MYBL2: variants seen among roughly 807,000 people sequenced by gnomAD.
MYBL2 encodes the protein myb-related protein B.
A neutral mutation model predicts 79.9 loss-of-function variants in MYBL2; 28 were observed. The observed-to-expected ratio is 0.35, with a 90% confidence interval of 0.26 to 0.48. The LOEUF (loss-of-function observed/expected upper bound fraction) is 0.48. Among genes scored for constraint, MYBL2 ranks in the 20% least tolerant of loss-of-function variants. MYBL2 has a pLI of 0.99. For synonymous variants in MYBL2, 378 were observed against 361.2 expected, an observed-to-expected ratio of 1.05 and a Z score of -0.53; for missense variants, 735 against 893.9, an observed-to-expected ratio of 0.82 and a Z score of 2.27.
intron 5 of MYBL2, among the ~76,000 whole-genome samples, chr20:43,690,697 G>C (rs762456152): frequency 6.6e-6 from 1 of 152,148 alleles, no homozygotes; most frequent in Non-Finnish European, 1.5e-5. Flanking sequence ...CAAGGAAAGA[G>C]TATTCTGCTT....
chr20:43,700,106 C>T, intron 7 of MYBL2, 62 bp downstream of exon 7: 1 of 1,566,144 alleles, frequency 6.4e-7, no homozygotes, highest in Non-Finnish European at 8.7e-7. Flanking sequence ...GTGCTTCTCT[C>T]TCAGGCCCAC....
intron 1 of MYBL2, among the ~76,000 whole-genome samples, chr20:43,670,960 CTTTTTTTTCTTTT>C (rs1215026519): frequency 2.1e-5 from 3 of 144,656 alleles, no homozygotes; most frequent in South Asian, 2.2e-4. Context: ...CCTATGATTT[CTTTTTTTTCTTTT>C]TTTTTTTTTT....
chr20:43,670,256 G>A (rs1404444237), intron 1 of MYBL2, among the ~76,000 whole-genome samples: 1 of 152,162 alleles, frequency 6.6e-6, no homozygotes, highest in Non-Finnish European at 1.5e-5. Flanking sequence ...TTTCTGTCAC[G>A]AGCTGTCTGG....
intron 12 of MYBL2, 130 bp downstream of exon 12, chr20:43,713,236 T>A (rs1987952354): frequency 8.1e-5 from 31 of 383,766 alleles, no homozygotes; most frequent in East Asian, 3.7e-4. Flanking sequence ...GGAGGGTGGG[T>A]CCGGGCACCC....
At chr20:43,704,434 C>T (rs1185704370) in intron 8 of MYBL2, among the ~76,000 whole-genome samples, 1 of 152,162 alleles carries the variant, frequency 6.6e-6, no homozygotes, top group South Asian at 2.1e-4. Context: ...TGTAACATGC[C>T]GCAAGTGAGG....
chr20:43,715,304 T>C, intron 13 of MYBL2, 21 bp downstream of exon 13: 1 of 1,613,760 alleles, frequency 6.2e-7, no homozygotes, highest in Non-Finnish European at 8.5e-7. Flanking sequence ...TGGCCATCTC[T>C]GGGGGTCCTG....
At chr20:43,683,193 T>C (rs1387252763) in intron 4 of MYBL2, among the ~76,000 whole-genome samples, 1 of 152,148 alleles carries the variant, frequency 6.6e-6, no homozygotes, top group Non-Finnish European at 1.5e-5. Flanking sequence ...AAGCAGGTGA[T>C]GCTTGTAGGG....
Position 43,716,237 on chromosome 20 carries a change from G to A in MYBL2, c.*150G>A. 5.0e-6 allele frequency: 6 copies of A among 1,209,880 alleles called. No homozygotes were observed. Among genetic ancestry groups the A allele is most frequent in the African/African-American group, 1.6e-5 (1 of 64,372 alleles). 74.9% of individuals were successfully genotyped at this position (1,209,880 alleles called of 1,614,324 possible). On this transcript the variant is annotated 3_prime_UTR_variant, in exon 14 of 14. Transcript: ENST00000217026. ...CAGACTCTCAGGTGGAGGCAACAGG[G>A]CCATGTGCTGCCCTGTTGCCGAGCC... is the stretch of plus-strand genomic sequence containing the variant.
intron 9 of MYBL2, among the ~76,000 whole-genome samples, chr20:43,707,717 A>G (rs1210563667): frequency 6.6e-6 from 1 of 151,954 alleles, no homozygotes; most frequent in East Asian, 1.9e-4. Context: ...CTCTTTAGTT[A>G]TCCCTCAAAT....
chr20:43,711,633 AGGGGGAATTGGAGCCGTGGCAT>A, intron 11 of MYBL2, 32 bp downstream of exon 11: 1 of 1,567,862 alleles, frequency 6.4e-7, no homozygotes, highest in Non-Finnish European at 8.7e-7. Context: ...GAGCCTGGGC[AGGGGGAATTGGAGCCGTGGCAT>A]GGGGGAGGCG....
intron 1 of MYBL2, 24 bp downstream of exon 1, chr20:43,667,327 G>A (rs1344930244): frequency 1.6e-6 from 2 of 1,228,988 alleles, no homozygotes; most frequent in Non-Finnish European, 2.0e-6. Flanking sequence ...GGAGGGCTTG[G>A]GCCCCTCCCC....
At chr20:43,671,277 T>C (rs62226203) in intron 1 of MYBL2, among the ~76,000 whole-genome samples, 1 of 151,868 alleles carries the variant, frequency 6.6e-6, no homozygotes, top group Non-Finnish European at 1.5e-5. Flanking sequence ...TGCCTCATCC[T>C]CTCGAGTAGC....
At chr20:43,693,323 T>C (rs916253946) in intron 6 of MYBL2, among the ~76,000 whole-genome samples, 6 of 152,152 alleles carry the variant, frequency 3.9e-5, no homozygotes, top group African/African-American at 1.4e-4. Context: ...TGAGCCACCA[T>C]GTCTGGCACT....
chr20:43,681,648 C>T (rs1206965808), intron 2 of MYBL2, 136 bp from the exon 3 acceptor site: 1 of 860,030 alleles, frequency 1.2e-6, no homozygotes, highest in Non-Finnish European at 1.9e-6. Flanking sequence ...GCTGTAGTGC[C>T]TGGCACCTTG....
At chr20:43,691,547 T>TG (rs1171855912) in intron 5 of MYBL2, among the ~76,000 whole-genome samples, 1 of 151,074 alleles carries the variant, frequency 6.6e-6, no homozygotes, top group East Asian at 1.9e-4. Context: ...ATATACATTT[T>TG]TTTTTTTTTT....
intron 2 of MYBL2, among the ~76,000 whole-genome samples, chr20:43,677,307 G>A (rs139513972): frequency 6.9e-4 from 105 of 152,332 alleles, no homozygotes; most frequent in African/African-American, 2.3e-3. Context: ...TAGGATCAGT[G>A]TCTGTTGGTG....
At chr20:43,695,752 A>AG (rs3091953) in intron 6 of MYBL2, among the ~76,000 whole-genome samples, 114,471 of 151,928 alleles carry the variant, frequency 0.75, 44,165 homozygotes, top group Non-Finnish European at 0.83. Context: ...AGCCTGGGGC[A>AG]GGAAGTTCAC....
chr20:43,715,376 C>T lies in MYBL2; in HGVS notation c.1974+93C>T, dbSNP rs570878254. On this transcript the variant is annotated intron_variant, in intron 13 of 13. Transcript: ENST00000217026. ...CCATCCCTGGGGGTCCTGCAGTGCCCGCCTTCTTAGCTCAGGGCCTTTGCA... is the reference window on the plus strand; with the variant it reads ...CCATCCCTGGGGGTCCTGCAGTGCCTGCCTTCTTAGCTCAGGGCCTTTGCA... The T allele has an allele frequency of 3.7e-5, 58 of 1,571,438 alleles. No individual in the cohort carries two copies. In the East Asian group the frequency reaches 9.9e-4, roughly 27 times the overall value.
In MYBL2 at chr20:43,695,550, G is replaced by A. The variant is rs373738666; in HGVS notation, c.663+3231G>A. Among the ~76,000 whole-genome samples the A allele has an allele frequency of 2.0e-4, 31 of 152,254 alleles. 1 individual carries two copies. Among genetic ancestry groups the A allele is most frequent in the East Asian group, 1.2e-3 (6 of 5,184 alleles). ...TCCTAGAGATGGACAAATATATTTG[G>A]TGGTGGGGGGAACCCTTTTGGCTGA... On this transcript the variant is annotated intron_variant, in intron 6 of 13. Coordinates refer to ENST00000217026, the MANE Select transcript of MYBL2 (RefSeq NM_002466.4).
Sources: allele counts gnomAD v4.1 joint callset (sites outside exome capture counted in the v4.1 genomes callset), GRCh38; gene constraint gnomAD v4.1.1; transcripts MANE v1.5; gene names NCBI Gene and HGNC (gene_info 2026-07-23, HGNC 2026-07-21).